Variants in NRXN3 observed in about 807,000 individuals in gnomAD.
The protein encoded by NRXN3 is neurexin III.
In NRXN3, 32 loss-of-function variants were observed where a neutral mutation model predicts 137.6. That is an observed-to-expected ratio of 0.23 (90% CI 0.18 to 0.31). NRXN3 has a LOEUF of 0.31. Among genes scored for constraint, NRXN3 ranks in the 10% least tolerant of loss-of-function variants. NRXN3 has a pLI of 1.00. For missense variants in NRXN3, 1,574 were observed against 2,062.5 expected (o/e 0.76, Z 4.59); for synonymous variants, 798 against 784.5 (o/e 1.02, Z -0.29).
intron 5 of NRXN3, among the ~76,000 whole-genome samples, chr14:78,648,800 A>G (rs538361027): frequency 1.3e-5 from 2 of 152,234 alleles, no homozygotes; most frequent in South Asian, 2.1e-4. Flanking sequence ...AGTTCTTTGT[A>G]TCTGTTTTTC....
At chr14:78,878,473 T>C (rs911242173) in intron 10 of NRXN3, among the ~76,000 whole-genome samples, 4 of 152,280 alleles carry the variant, frequency 2.6e-5, no homozygotes, top group Middle Eastern at 3.4e-3. Flanking sequence ...CTGTTTTGTG[T>C]GTAGGTAATT....
chr14:78,588,608 C>T lies in NRXN3; in HGVS notation c.758-56512C>T, dbSNP rs17107884. On this transcript the variant is annotated intron_variant, in intron 4 of 20. Coordinates refer to ENST00000335750, the MANE Select transcript of NRXN3 (RefSeq NM_001330195.2). ...CCTCTCTGGGCCATGAGATGCAACACTATAAATCAGTACGATAATACTCGC... is the reference window on the plus strand; with the variant it reads ...CCTCTCTGGGCCATGAGATGCAACATTATAAATCAGTACGATAATACTCGC... Among the ~76,000 whole-genome samples the T allele has an allele frequency of 7.0e-3, 1,063 of 152,324 alleles. 18 individuals carry two copies. Among genetic ancestry groups the T allele is most frequent in the African/African-American group, 0.024 (1,001 of 41,562 alleles).
chr14:78,398,839 G>C (rs1351330969), intron 4 of NRXN3, among the ~76,000 whole-genome samples: 3 of 152,182 alleles, frequency 2.0e-5, no homozygotes, highest in African/African-American at 7.2e-5. Flanking sequence ...GTTGTTACAT[G>C]GCAGAGATGA....
At chr14:78,894,295 G>C (rs747221472) in intron 10 of NRXN3, among the ~76,000 whole-genome samples, 1 of 151,908 alleles carries the variant, frequency 6.6e-6, no homozygotes, top group Non-Finnish European at 1.5e-5. Context: ...TGAATTTATG[G>C]AATATTCTAA....
At chr14:79,737,568 A>G (rs1378996077) in intron 19 of NRXN3, among the ~76,000 whole-genome samples, 1 of 152,124 alleles carries the variant, frequency 6.6e-6, no homozygotes, top group East Asian at 1.9e-4. Flanking sequence ...TTTTATTTTA[A>G]CAGTTTTCTA....
At chr14:79,116,298 A>G (rs2054425958) in intron 15 of NRXN3, among the ~76,000 whole-genome samples, 1 of 151,128 alleles carries the variant, frequency 6.6e-6, no homozygotes. Flanking sequence ...ATGGAGACAC[A>G]GGGGAGAGAT....
chr14:78,388,068 TTG>T (rs1441879005), intron 4 of NRXN3, among the ~76,000 whole-genome samples: 5 of 152,186 alleles, frequency 3.3e-5, no homozygotes, highest in Admixed American at 6.5e-5. Flanking sequence ...AGTGCCTAAT[TTG>T]TGTCAGCCCC....
At chr14:79,687,539 C>T (rs944631060) in intron 17 of NRXN3, among the ~76,000 whole-genome samples, 1 of 152,182 alleles carries the variant, frequency 6.6e-6, no homozygotes, top group South Asian at 2.1e-4. Flanking sequence ...ATTAGACCCA[C>T]AGTCTGATTT....
At chr14:78,756,345 G>A (rs1237204648) in intron 8 of NRXN3, among the ~76,000 whole-genome samples, 8 of 151,840 alleles carry the variant, frequency 5.3e-5, no homozygotes, top group East Asian at 3.9e-4. Flanking sequence ...AAAATTAGTC[G>A]GGCATGGTGG....
intron 4 of NRXN3, among the ~76,000 whole-genome samples, chr14:78,610,945 A>G (rs2097295495): frequency 6.6e-6 from 1 of 152,190 alleles, no homozygotes; most frequent in Admixed American, 6.5e-5. Flanking sequence ...GAAGCAGAGA[A>G]TGATAAGCCA....
At chr14:79,829,080 G>A (rs1027635743) in intron 20 of NRXN3, among the ~76,000 whole-genome samples, 4 of 152,062 alleles carry the variant, frequency 2.6e-5, no homozygotes, top group Non-Finnish European at 4.4e-5. Context: ...ATGTAATTTT[G>A]AAGTTGCCAA....
At chr14:79,279,713 C>G (rs768878109) in intron 15 of NRXN3, 130 of 986,230 alleles carry the variant, frequency 1.3e-4, no homozygotes, top group Non-Finnish European at 1.5e-4. Flanking sequence ...CGCGCCCTTC[C>G]GCGGAGACTC....
intron 15 of NRXN3, among the ~76,000 whole-genome samples, chr14:79,038,722 CT>C (rs2099620268): frequency 6.6e-6 from 1 of 152,026 alleles, no homozygotes; most frequent in South Asian, 2.1e-4. Flanking sequence ...TAGACTTTTC[CT>C]TTGCAGAAAG....
chr14:78,517,039 A>G (rs1003870141), intron 4 of NRXN3, among the ~76,000 whole-genome samples: 3 of 152,172 alleles, frequency 2.0e-5, no homozygotes, highest in Non-Finnish European at 4.4e-5. Context: ...TGGAGTACAG[A>G]GAAGTTGATG....
chr14:79,585,428 T>C (rs1169355081), intron 16 of NRXN3, among the ~76,000 whole-genome samples: 2 of 152,088 alleles, frequency 1.3e-5, no homozygotes, highest in African/African-American at 4.8e-5. Flanking sequence ...GGCTCATACC[T>C]GTAAACCCAG....
intron 20 of NRXN3, among the ~76,000 whole-genome samples, chr14:79,808,272 A>ATATG (rs1555750786): frequency 1.1e-4 from 16 of 145,512 alleles, no homozygotes; most frequent in South Asian, 2.2e-4. Flanking sequence ...ATATATATAT[A>ATATG]TATGTATGTA....
At chr14:79,181,057 C>CATATATATATATATAT (rs3035618) in intron 15 of NRXN3, among the ~76,000 whole-genome samples, 1 of 145,020 alleles carries the variant, frequency 6.9e-6, no homozygotes, top group African/African-American at 2.6e-5. Flanking sequence ...TGTCTGTGTG[C>CATATATATATATATAT]ATATATATAT....
At chr14:78,921,477 G>A (rs1351155555) in intron 10 of NRXN3, among the ~76,000 whole-genome samples, 1 of 152,218 alleles carries the variant, frequency 6.6e-6, no homozygotes. Context: ...GGAGGAAGGA[G>A]GTGCTGGGTG....
At chr14:79,359,511 T>C (rs1465504337) in intron 15 of NRXN3, among the ~76,000 whole-genome samples, 1 of 152,000 alleles carries the variant, frequency 6.6e-6, no homozygotes, top group Non-Finnish European at 1.5e-5. Flanking sequence ...TTCTATTCTG[T>C]CCTATATTAA....
Sources: gnomAD v4.1 joint callset for allele counts (sites outside exome capture counted in the v4.1 genomes callset) on GRCh38, gnomAD v4.1.1 for gene constraint, MANE v1.5 for transcripts, NCBI Gene and HGNC (gene_info 2026-07-23, HGNC 2026-07-21) for gene names.